The following PALM2AKAP2 variants were observed in gnomAD, a reference collection of about 807,000 sequenced individuals.
PALM2AKAP2 encodes the protein PALM2 and AKAP2 fusion, also known as PALM2-AKAP2 fusion protein.
Under a neutral mutation model 71.5 loss-of-function variants are expected in PALM2AKAP2, and 37 were observed. The observed-to-expected ratio is 0.52, with a 90% CI of 0.40 to 0.68. The LOEUF (loss-of-function observed/expected upper bound fraction) is 0.68, where lower values mean the gene tolerates loss of function less well. Ranked by LOEUF, PALM2AKAP2 falls within the 30% of genes least tolerant of loss-of-function variation. The pLI is 0.00. For missense variants in PALM2AKAP2, 1,224 were observed against 1,191.8 expected, an observed-to-expected ratio of 1.03 and a Z score of -0.40; for synonymous variants, 468 against 478.8, an observed-to-expected ratio of 0.98 and a Z score of 0.29.
intron 1 of PALM2AKAP2, among the ~76,000 whole-genome samples, chr9:109,655,298 CAA>C (rs10598253): frequency 0.43 from 47,249 of 110,740 alleles, 8,422 homozygotes; most frequent in African/African-American, 0.52. Flanking sequence ...GACTCGGTCT[CAA>C]AAAAAAAAAA....
intron 1 of PALM2AKAP2, among the ~76,000 whole-genome samples, chr9:109,861,921 C>T (rs1464500280): frequency 6.6e-6 from 1 of 152,004 alleles, no homozygotes; most frequent in African/African-American, 2.4e-5. Flanking sequence ...CAAACAGGAA[C>T]ACAAGTGGAA....
chr9:109,790,521 TA>T (rs1827086930), intron 1 of PALM2AKAP2, among the ~76,000 whole-genome samples: 1 of 152,220 alleles, frequency 6.6e-6, no homozygotes, highest in Non-Finnish European at 1.5e-5. Context: ...GTTTGAGTGC[TA>T]ATGTCGACAA....
intron 3 of PALM2AKAP2, among the ~76,000 whole-genome samples, chr9:109,902,266 T>C (rs909759951): frequency 6.6e-6 from 1 of 152,224 alleles, no homozygotes; most frequent in African/African-American, 2.4e-5. Context: ...GTAAAGTGTC[T>C]CATCAGTGCC....
At chr9:109,682,258 A>G (rs1196847970) in intron 1 of PALM2AKAP2, among the ~76,000 whole-genome samples, 1 of 152,220 alleles carries the variant, frequency 6.6e-6, no homozygotes, top group East Asian at 1.9e-4. Flanking sequence ...AATGTTAGCC[A>G]TAAGAATGGT....
chr9:109,800,484 C>CA (rs1827394888), intron 1 of PALM2AKAP2, among the ~76,000 whole-genome samples: 2 of 152,160 alleles, frequency 1.3e-5, no homozygotes, highest in Non-Finnish European at 2.9e-5. Context: ...CAAACCCATG[C>CA]AAATGACCCC....
At chr9:109,676,949 G>A (rs1269881407) in intron 1 of PALM2AKAP2, among the ~76,000 whole-genome samples, 4 of 152,044 alleles carry the variant, frequency 2.6e-5, no homozygotes, top group Admixed American at 6.6e-5. Context: ...GATTATCTTT[G>A]GCAAAAACAT....
exon 2 of PALM2AKAP2, chr9:110,138,539 G>C (rs770005256): frequency 3.2e-6 from 5 of 1,586,490 alleles, no homozygotes; most frequent in Non-Finnish European, 4.3e-6. Context: ...AACTGCTCCA[G>C]GTAAGTGAGG....
At chr9:109,985,764 C>G (rs142070631) in intron 6 of PALM2AKAP2, among the ~76,000 whole-genome samples, 2,061 of 151,854 alleles carry the variant, frequency 0.014, 39 homozygotes, top group African/African-American at 0.047. Context: ...ATTCTCCTGC[C>G]TCAGCCACCT....
intron 2 of PALM2AKAP2, among the ~76,000 whole-genome samples, chr9:110,149,618 T>C (rs1029354547): frequency 1.3e-5 from 2 of 152,210 alleles, no homozygotes; most frequent in Non-Finnish European, 2.9e-5. Context: ...TTCGTTTCTA[T>C]TGCTGCTATG....
chr9:109,885,397 C>A (rs932631217), intron 3 of PALM2AKAP2, among the ~76,000 whole-genome samples: 1 of 152,124 alleles, frequency 6.6e-6, no homozygotes, highest in Non-Finnish European at 1.5e-5. Flanking sequence ...AATTACCAGG[C>A]CTCATTCTAG....
At chr9:110,048,936 G>T (rs1833656033) in intron 1 of PALM2AKAP2, 6 of 1,401,266 alleles carry the variant, frequency 4.3e-6, no homozygotes, top group Non-Finnish European at 4.6e-6. Context: ...GGGTTGCCGA[G>T]GAAGGGCTGG....
At chr9:109,724,407 C>T (rs1244039978) in intron 1 of PALM2AKAP2, among the ~76,000 whole-genome samples, 3 of 152,010 alleles carry the variant, frequency 2.0e-5, no homozygotes. Context: ...TTTATATGTA[C>T]AGGTGAATGA....
intron 1 of PALM2AKAP2, among the ~76,000 whole-genome samples, chr9:110,109,337 C>A (rs865824125): frequency 2.8e-4 from 30 of 106,976 alleles, no homozygotes; most frequent in African/African-American, 4.2e-4. Context: ...AAAAAAAAAA[C>A]CAGAAAGAAA....
chr9:110,133,184 A>C (rs181451383), intron 1 of PALM2AKAP2, among the ~76,000 whole-genome samples: 23 of 152,374 alleles, frequency 1.5e-4, no homozygotes, highest in African/African-American at 5.5e-4. Context: ...ATCATCGAGC[A>C]CTTGAAGTGT....
chr9:110,018,859 A>T (rs757507388), intron 7 of PALM2AKAP2, among the ~76,000 whole-genome samples: 2 of 152,160 alleles, frequency 1.3e-5, no homozygotes, highest in Non-Finnish European at 2.9e-5. Context: ...TGCCTTACAT[A>T]ACCATGATGT....
chr9:109,998,759 T>G, intron 6 of PALM2AKAP2, among the ~76,000 whole-genome samples: 2 of 129,426 alleles, frequency 1.5e-5, no homozygotes, highest in African/African-American at 3.3e-5. Flanking sequence ...AGCGAGACCC[T>G]GTCGCAAAAA....
intron 1 of PALM2AKAP2, among the ~76,000 whole-genome samples, chr9:110,131,079 C>T (rs1835724829): frequency 6.6e-6 from 1 of 152,132 alleles, no homozygotes; most frequent in Non-Finnish European, 1.5e-5. Context: ...AGTTTATATT[C>T]CCATTTAGGA....
chr9:110,088,723 T>C (rs1341985693), intron 1 of PALM2AKAP2, among the ~76,000 whole-genome samples: 1 of 135,664 alleles, frequency 7.4e-6, no homozygotes, highest in East Asian at 2.2e-4. Flanking sequence ...TTTTTTTTTT[T>C]TTTTTTTTTT....
At position 110,038,486 on chromosome 9, in the gene PALM2AKAP2, G is replaced by A. The variant is rs1833452505; in HGVS notation, c.582+22447G>A. Among the ~76,000 whole-genome samples, 3 of 152,106 alleles carry A rather than the reference G, an allele frequency of 2.0e-5. No homozygotes were observed. The South Asian group carries it at 6.2e-4, about 32-fold the overall frequency. The stretch of plus-strand genomic sequence containing the variant: ...TTAAATCCTGGTGAAAGATCAGGTC[G>A]GGTGAGTTTGGAGAAATGACCACTG... On this transcript the variant is annotated intron_variant, in intron 7 of 9. Transcript: ENST00000302798.
Sources: allele counts gnomAD v4.1 joint callset (sites outside exome capture counted in the v4.1 genomes callset), GRCh38; gene constraint gnomAD v4.1.1; transcripts MANE v1.5; gene names NCBI Gene and HGNC (gene_info 2026-07-23, HGNC 2026-07-21).